The following ANO1 variants were observed in gnomAD, a reference collection of about 807,000 sequenced individuals.
ANO1 encodes the protein anoctamin 1.
Under a neutral mutation model 124.0 loss-of-function variants are expected in ANO1, and 59 were observed. That is an observed-to-expected ratio of 0.48 (90% CI 0.39 to 0.59). ANO1 has a LOEUF of 0.59. Ranked by LOEUF, ANO1 falls within the 20% of genes least tolerant of loss-of-function variation. The pLI, the probability that ANO1 is intolerant of heterozygous loss-of-function variation, is 0.00. For synonymous variants in ANO1, 529 were observed against 532.0 expected, an observed-to-expected ratio of 0.99 and a Z score of 0.08; for missense variants, 1,059 against 1,328.0, an observed-to-expected ratio of 0.80 and a Z score of 3.15.
intron 15 of ANO1, among the ~76,000 whole-genome samples, chr11:70,156,228 G>A (rs1417924674): frequency 1.3e-5 from 2 of 152,146 alleles, no homozygotes; most frequent in South Asian, 2.1e-4. Flanking sequence ...CTCGTGAAAC[G>A]TGCTTGTCAC....
At chr11:70,010,367 T>A (rs1555000912) in intron 1 of ANO1, among the ~76,000 whole-genome samples, 1 of 151,502 alleles carries the variant, frequency 6.6e-6, no homozygotes, top group African/African-American at 2.4e-5. Context: ...CAGTACTGGC[T>A]CTTTTTAACA....
chr11:70,107,151 G>A (rs1318136600), intron 5 of ANO1, among the ~76,000 whole-genome samples: 1 of 152,200 alleles, frequency 6.6e-6, no homozygotes, highest in African/African-American at 2.4e-5. Context: ...GGATGATGGG[G>A]AGGGAGCCAT....
chr11:70,085,688 C>T, intron 1 of ANO1: 6 of 1,463,210 alleles, frequency 4.1e-6, no homozygotes, highest in Non-Finnish European at 5.4e-6. Flanking sequence ...AGCCCCCAAC[C>T]AGCAGCCCTG....
chr11:70,088,456 C>T (rs1178781602), intron 2 of ANO1, among the ~76,000 whole-genome samples: 4 of 144,796 alleles, frequency 2.8e-5, no homozygotes, highest in Admixed American at 2.2e-4. Flanking sequence ...TTGCAGTGAG[C>T]GGACATCACG....
At chr11:70,172,435 C>T (rs2048515056) in intron 22 of ANO1, among the ~76,000 whole-genome samples, 1 of 152,152 alleles carries the variant, frequency 6.6e-6, no homozygotes, top group African/African-American at 2.4e-5. Context: ...GTTAAAATAG[C>T]ACCTGCGTAC....
intron 8 of ANO1, among the ~76,000 whole-genome samples, chr11:70,123,766 G>A (rs1176732287): frequency 6.6e-6 from 1 of 152,180 alleles, no homozygotes; most frequent in African/African-American, 2.4e-5. Context: ...ACATGCGCGG[G>A]TTTATTTTTT....
chr11:70,137,424 C>T lies in ANO1; in HGVS notation c.1258+5345C>T, dbSNP rs572003649. Reference sequence around the variant, plus strand: ...TATCTCCACAAACCCCCCACCCCCCCACCCGCCATCACCGCTGTCTGCTGC... The same window carrying T: ...TATCTCCACAAACCCCCCACCCCCCTACCCGCCATCACCGCTGTCTGCTGC... On this transcript the variant is annotated intron_variant, in intron 11 of 25. Coordinates refer to ENST00000355303, the MANE Select transcript of ANO1 (RefSeq NM_018043.7). Among the ~76,000 whole-genome samples the T allele has an allele frequency of 4.5e-5, 6 of 132,792 alleles. 1 individual carries two copies. The highest frequency in any genetic ancestry group is 3.1e-4 in the South Asian group (1 of 3,268). The allele number at this position is 132,792 out of a possible 152,430, so 87.1% of individuals were successfully genotyped here.
At chr11:70,017,765 C>G (rs1229888232) in intron 1 of ANO1, among the ~76,000 whole-genome samples, 1 of 152,034 alleles carries the variant, frequency 6.6e-6, no homozygotes, top group Non-Finnish European at 1.5e-5. Context: ...AGCAATCCTC[C>G]CACCTCAGCC....
chr11:70,125,901 C>G (rs2046492270), intron 9 of ANO1, among the ~76,000 whole-genome samples, 160 bp from the exon 10 acceptor site: 1 of 151,638 alleles, frequency 6.6e-6, no homozygotes, highest in Non-Finnish European at 1.5e-5. Flanking sequence ...GAGAGCACCC[C>G]CAACCTGATG....
At chr11:70,102,038 A>G (rs1004051070) in intron 2 of ANO1, among the ~76,000 whole-genome samples, 20 of 152,308 alleles carry the variant, frequency 1.3e-4, no homozygotes, top group African/African-American at 4.6e-4. Context: ...TGTGTCTTTG[A>G]TGGGGAAATA....
chr11:70,149,598 G>A (rs1258998091), intron 11 of ANO1, 112 bp from the exon 12 acceptor site: 1 of 1,101,796 alleles, frequency 9.1e-7, no homozygotes, highest in African/African-American at 1.6e-5. Context: ...TGCAGTGGGT[G>A]GAGATTGCGC....
At chr11:70,085,329 C>A in intron 1 of ANO1, 1 of 1,403,342 alleles carries the variant, frequency 7.1e-7, no homozygotes, top group Non-Finnish European at 9.3e-7. Context: ...CCCCCTGAGC[C>A]CTCCCAAGCC....
At chr11:69,993,448 A>G (rs1376553947) in intron 1 of ANO1, among the ~76,000 whole-genome samples, 3 of 152,188 alleles carry the variant, frequency 2.0e-5, no homozygotes, top group Admixed American at 1.3e-4. Context: ...GGATATTGGG[A>G]CAGACTGGGA....
chr11:70,079,025 C>A (rs1276690262), intron 1 of ANO1, among the ~76,000 whole-genome samples: 1 of 152,130 alleles, frequency 6.6e-6, no homozygotes, highest in Admixed American at 6.5e-5. Context: ...CCCGGGGCTG[C>A]AGCTCGGAGC....
At chr11:70,012,566 C>T (rs1856618539) in intron 1 of ANO1, among the ~76,000 whole-genome samples, 1 of 151,892 alleles carries the variant, frequency 6.6e-6, no homozygotes, top group Non-Finnish European at 1.5e-5. Flanking sequence ...TTGTATCTAT[C>T]TATCCATTCA....
intron 1 of ANO1, among the ~76,000 whole-genome samples, chr11:70,086,735 A>G (rs1005752123): frequency 1.3e-5 from 2 of 152,212 alleles, no homozygotes; most frequent in Admixed American, 6.5e-5. Flanking sequence ...GGTCACTCCG[A>G]GGGTCCCCAG....
At chr11:70,058,586 A>T (rs1201689946) in intron 1 of ANO1, among the ~76,000 whole-genome samples, 1 of 152,232 alleles carries the variant, frequency 6.6e-6, no homozygotes, top group Non-Finnish European at 1.5e-5. Context: ...ACTGGAAGAT[A>T]GTTGCCCAGA....
At chr11:70,136,253 G>A (rs1462034193) in intron 11 of ANO1, among the ~76,000 whole-genome samples, 1 of 152,196 alleles carries the variant, frequency 6.6e-6, no homozygotes, top group Admixed American at 6.5e-5. Context: ...TTCCCAGGGG[G>A]CAGCAGCTCT....
intron 1 of ANO1, among the ~76,000 whole-genome samples, chr11:70,009,418 C>T (rs1591031369): frequency 1.3e-5 from 2 of 152,318 alleles, no homozygotes; most frequent in South Asian, 4.1e-4. Flanking sequence ...CCTCTGACAT[C>T]TGCTGCTGTC....
Sources: allele counts gnomAD v4.1 joint callset (sites outside exome capture counted in the v4.1 genomes callset), GRCh38; gene constraint gnomAD v4.1.1; transcripts MANE v1.5; gene names NCBI Gene and HGNC (gene_info 2026-07-23, HGNC 2026-07-21).